The following ASIC2 variants were observed in gnomAD, a reference collection of about 807,000 sequenced individuals.
The protein encoded by ASIC2 is acid sensing ion channel subunit 2, also known as acid-sensing ion channel 2.
A neutral mutation model predicts 57.3 loss-of-function variants in ASIC2; 25 were observed. That is an observed-to-expected ratio of 0.44 (90% CI 0.32 to 0.61). The LOEUF (loss-of-function observed/expected upper bound fraction) is 0.61. ASIC2 is among the 20% of genes least tolerant of loss of function. The pLI, the probability that ASIC2 is intolerant of heterozygous loss-of-function variation, is 0.06. For synonymous variants in ASIC2, 319 were observed against 307.5 expected, an observed-to-expected ratio of 1.04 and a Z score of -0.39; for missense variants, 641 against 738.1, an observed-to-expected ratio of 0.87 and a Z score of 1.52.
intron 3 of ASIC2, among the ~76,000 whole-genome samples, chr17:33,084,672 G>A (rs1352344845): frequency 6.6e-6 from 1 of 152,214 alleles, no homozygotes; most frequent in East Asian, 1.9e-4. Flanking sequence ...CATAATGCCT[G>A]GCAGGTAGCA....
intron 1 of ASIC2, among the ~76,000 whole-genome samples, chr17:33,802,504 C>G (rs1404189259): frequency 4.6e-5 from 7 of 152,232 alleles, no homozygotes; most frequent in South Asian, 4.1e-4. Context: ...CTGCCACTCC[C>G]TGCCCACGTG....
chr17:33,220,563 C>T (rs1230324795), intron 1 of ASIC2, among the ~76,000 whole-genome samples: 1 of 152,180 alleles, frequency 6.6e-6, no homozygotes, highest in Non-Finnish European at 1.5e-5. Context: ...CATTTAATTT[C>T]TCTAGGTTTC....
chr17:33,584,907 T>A (rs1339548754), intron 1 of ASIC2, among the ~76,000 whole-genome samples: 1 of 151,754 alleles, frequency 6.6e-6, no homozygotes, highest in Non-Finnish European at 1.5e-5. Flanking sequence ...AGAGGCACCA[T>A]GGTGGATTGA....
chr17:33,425,930 CA>C (rs1700306085), intron 1 of ASIC2, among the ~76,000 whole-genome samples: 1 of 152,070 alleles, frequency 6.6e-6, no homozygotes, highest in Non-Finnish European at 1.5e-5. Context: ...GCAGCGCCAA[CA>C]AAAATGGCTG....
chr17:33,429,053 T>C (rs2141976968), intron 1 of ASIC2, among the ~76,000 whole-genome samples: 1 of 152,292 alleles, frequency 6.6e-6, no homozygotes, highest in East Asian at 1.9e-4. Context: ...TCAGATATTG[T>C]GAGCTCACCC....
intron 1 of ASIC2, among the ~76,000 whole-genome samples, chr17:33,779,663 G>C (rs1406753664): frequency 1.3e-5 from 2 of 152,134 alleles, no homozygotes; most frequent in Non-Finnish European, 2.9e-5. Context: ...TCTATATCCT[G>C]AAGTGAGGGG....
intron 1 of ASIC2, among the ~76,000 whole-genome samples, chr17:33,968,011 T>C (rs1014947100): frequency 1.3e-5 from 2 of 152,166 alleles, no homozygotes; most frequent in South Asian, 2.1e-4. Flanking sequence ...ATTACCCCCA[T>C]TTTACAGATG....
chr17:33,468,774 A>C (rs1339917449), intron 1 of ASIC2, among the ~76,000 whole-genome samples: 1 of 152,114 alleles, frequency 6.6e-6, no homozygotes, highest in Non-Finnish European at 1.5e-5. Context: ...AAGGGCACAC[A>C]GCTGGTAAAA....
intron 1 of ASIC2, among the ~76,000 whole-genome samples, chr17:33,732,549 A>T (rs1229639354): frequency 7.1e-6 from 1 of 140,064 alleles, no homozygotes; most frequent in African/African-American, 2.7e-5. Flanking sequence ...CTATCGCTGG[A>T]TTGCTGTGGT....
At chr17:33,248,868 CAA>C (rs1282246008) in intron 1 of ASIC2, among the ~76,000 whole-genome samples, 1 of 152,180 alleles carries the variant, frequency 6.6e-6, no homozygotes, top group East Asian at 1.9e-4. Context: ...ATCATTCCTG[CAA>C]AGAGTCTTTT....
intron 1 of ASIC2, among the ~76,000 whole-genome samples, chr17:34,009,159 C>G (rs554259884): frequency 2.0e-5 from 3 of 151,882 alleles, no homozygotes; most frequent in Non-Finnish European, 4.4e-5. Context: ...GAGTCCTATT[C>G]GACTTGGAGA....
At chr17:33,612,661 G>C (rs1307268130) in intron 1 of ASIC2, among the ~76,000 whole-genome samples, 1 of 152,226 alleles carries the variant, frequency 6.6e-6, no homozygotes, top group African/African-American at 2.4e-5. Context: ...AGGTGTGTAA[G>C]TATTCACCAT....
intron 1 of ASIC2, among the ~76,000 whole-genome samples, chr17:33,476,450 A>AT (rs1913222757): frequency 1.3e-5 from 2 of 151,268 alleles, no homozygotes; most frequent in Non-Finnish European, 2.9e-5. Flanking sequence ...CAATGCTGCC[A>AT]TTTAAAAAAA....
At chr17:33,716,806 C>T (rs1294120465) in intron 1 of ASIC2, among the ~76,000 whole-genome samples, 1 of 152,204 alleles carries the variant, frequency 6.6e-6, no homozygotes, top group Non-Finnish European at 1.5e-5. Context: ...GGATTCTTCT[C>T]CTCAAGCTAT....
intron 1 of ASIC2, among the ~76,000 whole-genome samples, chr17:33,615,162 A>G (rs948833618): frequency 2.6e-5 from 4 of 152,244 alleles, no homozygotes; most frequent in African/African-American, 9.6e-5. Context: ...AATCTTGTAT[A>G]TAAAACTTTT....
intron 1 of ASIC2, among the ~76,000 whole-genome samples, chr17:33,568,861 G>A (rs538092453): frequency 7.2e-5 from 11 of 152,308 alleles, no homozygotes; most frequent in African/African-American, 2.6e-4. Flanking sequence ...GGAGAACTGT[G>A]TATATTTTGC....
chr17:33,466,210 GC>G (rs948189998), intron 1 of ASIC2, among the ~76,000 whole-genome samples: 15 of 152,164 alleles, frequency 9.9e-5, no homozygotes. Flanking sequence ...CAAACAGAGA[GC>G]CAAATCATGA....
In ASIC2 at chr17:33,215,898, A is replaced by G. The variant is rs949259651; in HGVS notation, c.708+75510T>C. On this transcript the variant is annotated intron_variant, in intron 1 of 9. Transcript: ENST00000225823. The stretch of plus-strand genomic sequence containing the variant: ...GTATTTTTAGTAGAGACGGGGTTTC[A>G]CCGTGTTAGCCAGGATGGTCTTGAT... Among the ~76,000 whole-genome samples, 26 of 152,030 alleles carry G rather than the reference A, an allele frequency of 1.7e-4. 1 individual carries two copies. Among genetic ancestry groups the G allele is most frequent in the African/African-American group, 2.7e-4 (11 of 41,400 alleles).
rs568597596 is a variant in ASIC2, at chr17:33,742,542, G to A, written c.555+413436C>T. 3.2e-4 allele frequency among the ~76,000 whole-genome samples: 48 copies of A among 152,312 alleles called. 2 individuals are homozygous for A. In the South Asian group the frequency reaches 9.3e-3, roughly 30 times the overall value. ...TTAACTTAGTGTCTTCTATAATGTG[G>A]ATGCACAGAGTAAATCTCAATAAAG... On this transcript the variant is annotated intron_variant, in intron 1 of 9. Transcript: ENST00000359872.
Sources: allele counts gnomAD v4.1 joint callset (sites outside exome capture counted in the v4.1 genomes callset), GRCh38; gene constraint gnomAD v4.1.1; transcripts MANE v1.5; gene names NCBI Gene and HGNC (gene_info 2026-07-23, HGNC 2026-07-21).